Variants in ATXN7 observed in about 807,000 individuals in gnomAD.
ATXN7 encodes ataxin-7.
Under a neutral mutation model 70.5 loss-of-function variants are expected in ATXN7, and 12 were observed. The ratio of observed to expected loss-of-function variants is 0.17; its 90% CI spans 0.11 to 0.28. The LOEUF is 0.28. Ranked by LOEUF, ATXN7 falls within the 10% of genes least tolerant of loss-of-function variation. The pLI is 1.00. For synonymous variants in ATXN7, 498 were observed against 448.7 expected (o/e 1.11, Z -1.39); for missense variants, 1,256 against 1,131.7 (o/e 1.11, Z -1.58).
chr3:63,921,408 A>G (rs1364644078), intron 4 of ATXN7, among the ~76,000 whole-genome samples: 1 of 152,204 alleles, frequency 6.6e-6, no homozygotes. Flanking sequence ...GACTCCAGAC[A>G]TACGGTTGTT....
chr3:63,982,134 G>C, intron 6 of ATXN7, 52 bp from the exon 7 acceptor site: 1 of 1,610,050 alleles, frequency 6.2e-7, no homozygotes, highest in Non-Finnish European at 8.5e-7. Flanking sequence ...CCATTCACCT[G>C]GGGGCTGCTG....
intron 1 of ATXN7, among the ~76,000 whole-genome samples, chr3:63,892,495 CCACACACACA>C (rs376915162): frequency 1.6e-5 from 2 of 126,852 alleles, no homozygotes; most frequent in Non-Finnish European, 3.3e-5. Flanking sequence ...ACACACACAC[CCACACACACA>C]CACACACACC....
chr3:63,996,354 C>G lies in ATXN7; in HGVS notation c.2532C>G (p.Ser844Arg), dbSNP rs748881493. The change falls in exon 12 of 13, where the codon AGC becomes AGG. Residue 844 changes from serine to arginine, a missense_variant. Ser to Arg is a moderately radical substitution (Grantham distance 110, BLOSUM62 -1). Transcript: ENST00000674280. ...AAAGAAAGTGCTCACCCAGCTCGAG[C>G]AGCATCAACAACAGCAGCAGCAAAC... ...GKKRKCSPSS[S>R]SINNSSSKPT... 8 of 1,614,178 alleles carry G rather than the reference C, an allele frequency of 5.0e-6. No homozygotes were observed. Among genetic ancestry groups the G allele is most frequent in the Non-Finnish European group, 5.9e-6 (7 of 1,180,028 alleles).
intron 4 of ATXN7, among the ~76,000 whole-genome samples, chr3:63,934,007 T>C (rs2074611588): frequency 6.6e-6 from 1 of 152,108 alleles, no homozygotes; most frequent in South Asian, 2.1e-4. Context: ...GGAAATTGCG[T>C]AGTTGGTTGA....
intron 11 of ATXN7, among the ~76,000 whole-genome samples, chr3:63,991,195 A>G (rs1433245312): frequency 6.6e-6 from 1 of 152,216 alleles, no homozygotes; most frequent in Non-Finnish European, 1.5e-5. Flanking sequence ...AATAACAATC[A>G]GCAAGACTTA....
chr3:63,870,646 A>G (rs1702565447), intron 1 of ATXN7, among the ~76,000 whole-genome samples: 1 of 152,104 alleles, frequency 6.6e-6, no homozygotes, highest in Non-Finnish European at 1.5e-5. Context: ...GGACCCTCTC[A>G]GATGTGATGG....
intron 5 of ATXN7, among the ~76,000 whole-genome samples, chr3:63,974,970 A>G (rs2075368572): frequency 6.6e-6 from 1 of 152,198 alleles, no homozygotes; most frequent in Non-Finnish European, 1.5e-5. Flanking sequence ...ACTGAGGTAG[A>G]TGGTAGAAGT....
intron 8 of ATXN7, among the ~76,000 whole-genome samples, chr3:63,986,453 A>G (rs576806659): frequency 7.2e-4 from 110 of 152,328 alleles, no homozygotes; most frequent in African/African-American, 2.2e-3. Context: ...CACCGGGAAC[A>G]TTCAAGCTGA....
intron 1 of ATXN7, among the ~76,000 whole-genome samples, chr3:63,878,705 T>C (rs553096061): frequency 2.0e-5 from 3 of 152,278 alleles, no homozygotes; most frequent in African/African-American, 7.2e-5. Flanking sequence ...GGCAAGCTGT[T>C]ATCACTGCTA....
intron 4 of ATXN7, among the ~76,000 whole-genome samples, chr3:63,948,619 C>T (rs1013908940): frequency 1.3e-5 from 2 of 152,198 alleles, no homozygotes; most frequent in African/African-American, 2.4e-5. Flanking sequence ...ATGGAGATAG[C>T]AACACCAAAG....
At chr3:63,932,733 C>T (rs1229797019) in intron 4 of ATXN7, among the ~76,000 whole-genome samples, 2 of 152,140 alleles carry the variant, frequency 1.3e-5, no homozygotes, top group Admixed American at 6.5e-5. Context: ...ACCCCTTTCC[C>T]CAAGAAAGAG....
intron 4 of ATXN7, among the ~76,000 whole-genome samples, chr3:63,948,644 A>G (rs149654705): frequency 1.3e-5 from 2 of 152,336 alleles, no homozygotes; most frequent in South Asian, 2.1e-4. Flanking sequence ...TACATTCACC[A>G]CAGTTTGGGG....
chr3:63,930,739 C>T (rs2107339901), intron 4 of ATXN7, among the ~76,000 whole-genome samples: 1 of 152,138 alleles, frequency 6.6e-6, no homozygotes, highest in Middle Eastern at 3.4e-3. Flanking sequence ...TCCGTGTTAG[C>T]CAGGATGGTC....
At chr3:63,919,419 A>C (rs1022055687) in intron 4 of ATXN7, among the ~76,000 whole-genome samples, 1 of 152,174 alleles carries the variant, frequency 6.6e-6, no homozygotes, top group African/African-American at 2.4e-5. Context: ...ATACAGTCTT[A>C]TTATTCTTGA....
At position 63,912,727 on chromosome 3, in the gene ATXN7, G is replaced by A. The variant is rs1415015156; in HGVS notation, c.129G>A (p.Pro43=). The stretch of plus-strand genomic sequence containing the variant: ...AGCAGCAGCAGCAGCCGCCGCCTCC[G>A]CAGCCCCAGCGGCAGCAGCACCCGC... The part of the protein sequence containing the change: ...QQQQQQQPPP[P]QPQRQQHPPP... The change falls in exon 3 of 13, where the codon CCG becomes CCA. Residue 43 remains proline (P), a synonymous_variant. Transcript: ENST00000674280. 2 of 1,250,076 alleles carry A rather than the reference G, an allele frequency of 1.6e-6. No homozygotes were observed. Among genetic ancestry groups the A allele is most frequent in the Non-Finnish European group, 2.0e-6 (2 of 988,356 alleles). 77.4% of individuals were successfully genotyped at this position (1,250,076 alleles called of 1,614,324 possible). A position where few individuals can be genotyped will look rare whatever the true frequency, so the allele number is the denominator to read the frequency against.
chr3:63,955,113 G>C (rs755058869), intron 5 of ATXN7, among the ~76,000 whole-genome samples: 1 of 152,148 alleles, frequency 6.6e-6, no homozygotes, highest in Non-Finnish European at 1.5e-5. Flanking sequence ...ACAAAGCGTT[G>C]GTGATAACTT....
At chr3:63,880,052 C>CT (rs1702863236) in intron 1 of ATXN7, among the ~76,000 whole-genome samples, 1 of 151,994 alleles carries the variant, frequency 6.6e-6, no homozygotes, top group Non-Finnish European at 1.5e-5. Context: ...CGCCACTGCA[C>CT]TCTATCCTGG....
intron 4 of ATXN7, among the ~76,000 whole-genome samples, chr3:63,924,762 A>G (rs183644710): frequency 1.3e-5 from 2 of 152,182 alleles, no homozygotes; most frequent in East Asian, 3.9e-4. Flanking sequence ...CCTGAGCTGA[A>G]GAAGTGGAGA....
chr3:63,983,468 T>G (rs1053157291), intron 8 of ATXN7, among the ~76,000 whole-genome samples: 2 of 151,998 alleles, frequency 1.3e-5, no homozygotes, highest in African/African-American at 4.8e-5. Context: ...GATTTTGAAA[T>G]ATCCCTGTTT....
Sources: gnomAD v4.1 joint callset for allele counts (sites outside exome capture counted in the v4.1 genomes callset) on GRCh38, gnomAD v4.1.1 for gene constraint, MANE v1.5 for transcripts, NCBI Gene and HGNC (gene_info 2026-07-23, HGNC 2026-07-21) for gene names.